Variants in CBLB observed in about 807,000 individuals in gnomAD.
CBLB encodes the protein E3 ubiquitin-protein ligase CBL-B.
A neutral mutation model predicts 104.9 loss-of-function variants in CBLB; 31 were observed. That is an observed-to-expected ratio of 0.30 (90% confidence interval 0.22 to 0.40). The LOEUF (loss-of-function observed/expected upper bound fraction) is 0.40, where lower values mean the gene tolerates loss of function less well. Among genes scored for constraint, CBLB ranks in the 10% least tolerant of loss-of-function variants. The pLI, the probability that CBLB is intolerant of heterozygous loss-of-function variation, is 1.00. For missense variants in CBLB, 1,062 were observed against 1,214.6 expected (o/e 0.87, Z 1.87); for synonymous variants, 440 against 422.6 (o/e 1.04, Z -0.51).
rs2069662237 is a variant in CBLB, at chr3:105,703,982, A to G, written c.1593+6T>C. The stretch of plus-strand genomic sequence containing the variant: ...TTCATCTGTGTTTCTAATAAAATTG[A>G]TCTACCTTTGGTGAACCCGTTGGGC... On this transcript the variant is annotated splice_donor_region_variant and intron_variant, in intron 11 of 18. Transcript: ENST00000394030. The G allele has an allele frequency of 6.2e-7, 1 of 1,612,972 alleles. No homozygotes were observed. Among genetic ancestry groups the G allele is most frequent in the Non-Finnish European group, 8.5e-7 (1 of 1,179,028 alleles).
At chr3:105,762,166 A>C (rs1442264236) in intron 4 of CBLB, 1 of 152,218 alleles carries the variant, frequency 6.6e-6, no homozygotes, top group East Asian at 1.9e-4. Flanking sequence ...AAGATATGAT[A>C]TGGAATTGGA....
chr3:105,659,797 G>A (rs960960389), intron 18 of CBLB, among the ~76,000 whole-genome samples: 8 of 151,912 alleles, frequency 5.3e-5, no homozygotes, highest in African/African-American at 1.9e-4. Context: ...TTAATAATCT[G>A]TGCCTTACTG....
intron 3 of CBLB, among the ~76,000 whole-genome samples, chr3:105,793,936 G>A (rs2081975817): frequency 6.6e-6 from 1 of 152,160 alleles, no homozygotes; most frequent in Non-Finnish European, 1.5e-5. Flanking sequence ...CTATGAATAT[G>A]AAGTATGAAA....
At chr3:105,754,067 GTGTT>G (rs2076822981) in intron 4 of CBLB, among the ~76,000 whole-genome samples, 2 of 152,064 alleles carry the variant, frequency 1.3e-5, no homozygotes, top group South Asian at 4.1e-4. Context: ...TCATATATGA[GTGTT>G]TGCGCAACAG....
chr3:105,659,087 A>G lies in CBLB; in HGVS notation c.2832T>C (p.Tyr944=), dbSNP rs1198788792. ...AGGCTCTCTTCACCTCTTCAAAGGCATAACCCTCTCCCATGAGTTTTGCAA... is the reference window on the plus strand; with the variant it reads ...AGGCTCTCTTCACCTCTTCAAAGGCGTAACCCTCTCCCATGAGTTTTGCAA... ...AKIAKLMGEG[Y]AFEEVKRALE... is the part of the protein sequence containing the mutation. Residue 944 remains tyrosine (Y), a synonymous_variant, in exon 19 of 19, where the codon TAT becomes TAC. Transcript: ENST00000394030. The G allele has an allele frequency of 6.2e-7, 1 of 1,614,016 alleles. No individual in the cohort carries two copies. Among genetic ancestry groups the G allele is most frequent in the East Asian group, 2.2e-5 (1 of 44,866 alleles).
intron 18 of CBLB, among the ~76,000 whole-genome samples, chr3:105,660,865 C>T (rs1424776990): frequency 3.3e-5 from 5 of 151,966 alleles, no homozygotes; most frequent in African/African-American, 1.2e-4. Context: ...CTTGTAAAAA[C>T]ATCATCCTAT....
At chr3:105,670,876 A>G (rs1162561759) in intron 17 of CBLB, 1 of 160,644 alleles carries the variant, frequency 6.2e-6, no homozygotes, top group African/African-American at 2.4e-5. Context: ...AATCTTCTGT[A>G]CATACAAGGT....
chr3:105,765,032 A>C (rs188008139), intron 4 of CBLB, among the ~76,000 whole-genome samples: 1 of 152,334 alleles, frequency 6.6e-6, no homozygotes, highest in Admixed American at 6.5e-5. Context: ...TTAAGAAAAG[A>C]AGCTCTCTCT....
At chr3:105,686,389 T>C (rs573069661) in intron 13 of CBLB, among the ~76,000 whole-genome samples, 1 of 151,644 alleles carries the variant, frequency 6.6e-6, no homozygotes, top group Admixed American at 6.6e-5. Context: ...CACACATGGA[T>C]CCAAATCTTT....
At chr3:105,724,838 T>G (rs1202713769) in intron 9 of CBLB, among the ~76,000 whole-genome samples, 1 of 152,166 alleles carries the variant, frequency 6.6e-6, no homozygotes, top group Non-Finnish European at 1.5e-5. Flanking sequence ...CATTTAATCC[T>G]ATAAGGTAGG....
At chr3:105,838,107 C>A (rs1403634668) in intron 3 of CBLB, among the ~76,000 whole-genome samples, 1 of 137,112 alleles carries the variant, frequency 7.3e-6, no homozygotes, top group Non-Finnish European at 1.5e-5. Context: ...TTCTGAGACA[C>A]GTTCTCACTC....
intron 14 of CBLB, 102 bp downstream of exon 14, chr3:105,685,218 T>G: frequency 3.9e-6 from 4 of 1,034,346 alleles, no homozygotes; most frequent in South Asian, 2.6e-5. Flanking sequence ...AGCTGGAAAT[T>G]AAGGATTTTT....
intron 3 of CBLB, among the ~76,000 whole-genome samples, chr3:105,796,718 A>AG (rs1295332011): frequency 6.6e-6 from 1 of 152,226 alleles, no homozygotes; most frequent in Non-Finnish European, 1.5e-5. Flanking sequence ...AGAATCCATA[A>AG]GGAACTTAAA....
chr3:105,865,367 A>T (rs1306478177), intron 2 of CBLB, among the ~76,000 whole-genome samples: 1 of 152,168 alleles, frequency 6.6e-6, no homozygotes, highest in Non-Finnish European at 1.5e-5. Context: ...AATGAACACA[A>T]CCATTTTCAT....
chr3:105,761,757 C>T (rs1181763024), intron 4 of CBLB, among the ~76,000 whole-genome samples: 1 of 152,026 alleles, frequency 6.6e-6, no homozygotes, highest in Non-Finnish European at 1.5e-5. Context: ...TGTAAAGATA[C>T]CCAAAAACTG....
chr3:105,854,401 A>T (rs190206541), intron 2 of CBLB, among the ~76,000 whole-genome samples: 32 of 152,350 alleles, frequency 2.1e-4, no homozygotes, highest in African/African-American at 7.5e-4. Flanking sequence ...AGCCAAGAGT[A>T]AGTTAGTCCA....
intron 7 of CBLB, 56 bp downstream of exon 7, chr3:105,740,438 T>TTTA: frequency 6.3e-7 from 1 of 1,594,806 alleles, no homozygotes; most frequent in Non-Finnish European, 8.6e-7. Context: ...CAAAGCAATC[T>TTTA]TTATTTTTCA....
At chr3:105,660,343 A>G (rs1164144279) in intron 18 of CBLB, among the ~76,000 whole-genome samples, 12 of 149,122 alleles carry the variant, frequency 8.0e-5, no homozygotes, top group Admixed American at 4.0e-4. Flanking sequence ...GTGCACCACC[A>G]TGCCTGGCTA....
rs757465010 is a variant in CBLB, at chr3:105,733,976, TAAGA to T, written c.1203+29_1203+32del. 20 of 1,603,560 alleles carry T rather than the reference TAAGA, an allele frequency of 1.2e-5. 1 individual carries two copies. The East Asian group carries it at 1.6e-4, about 13-fold the overall frequency. ...AAAAGAGAAATATTAGTAGGACATATAAGAAAGACATCCATGTTGCTAATGATTA... is the reference window on the plus strand; with the variant it reads ...AAAAGAGAAATATTAGTAGGACATATAAGACATCCATGTTGCTAATGATTA... On this transcript the variant is annotated intron_variant, in intron 9 of 18. Transcript: ENST00000394030.
Sources: allele counts gnomAD v4.1 joint callset (sites outside exome capture counted in the v4.1 genomes callset), GRCh38; gene constraint gnomAD v4.1.1; transcripts MANE v1.5; gene names NCBI Gene and HGNC (gene_info 2026-07-23, HGNC 2026-07-21).